The following LDLRAP1 variants were observed in gnomAD, a reference collection of about 807,000 sequenced individuals.
LDLRAP1 encodes low density lipoprotein receptor adaptor protein 1.
Under a neutral mutation model 37.8 loss-of-function variants are expected in LDLRAP1, and 30 were observed. The observed-to-expected ratio is 0.79, with a 90% CI of 0.59 to 1.08. LDLRAP1 has a LOEUF of 1.08. LDLRAP1 is among the 50% of genes least tolerant of loss of function. LDLRAP1 has a pLI of 0.00. For missense variants in LDLRAP1, 375 were observed against 401.6 expected, an observed-to-expected ratio of 0.93 and a Z score of 0.57; for synonymous variants, 156 against 169.8, an observed-to-expected ratio of 0.92 and a Z score of 0.63.
chr1:25,576,047 G>GGT, the LDLRAP1 span, among the ~76,000 whole-genome samples: 1 of 151,452 alleles, frequency 6.6e-6, no homozygotes, highest in Admixed American at 6.6e-5. Context: ...TGGCCAACAT[G>GGT]GTGAAACCCC....
chr1:25,565,153 C>T lies in LDLRAP1; in HGVS notation c.748-20C>T. 1 of 1,614,002 alleles carries T rather than the reference C, an allele frequency of 6.2e-7. No individual in the cohort carries two copies. The highest frequency in any genetic ancestry group is 8.5e-7 in the Non-Finnish European group (1 of 1,179,860). On this transcript the variant is annotated intron_variant, in intron 7 of 8. Coordinates refer to ENST00000374338, the MANE Select transcript of LDLRAP1 (RefSeq NM_015627.3). Reference sequence around the variant, plus strand: ...GCTCCCCCAAACATAGTTCTTATCTCCTGCTTTGTTTTCCCCAAGGAGCTG... The same window carrying T: ...GCTCCCCCAAACATAGTTCTTATCTTCTGCTTTGTTTTCCCCAAGGAGCTG...
At position 25,555,005 on chromosome 1, in the gene LDLRAP1, TG is replaced by T; in HGVS notation, c.344+34del. The T allele has an allele frequency of 6.6e-7, 1 of 1,508,990 alleles. No individual in the cohort carries two copies. Among genetic ancestry groups the T allele is most frequent in the Non-Finnish European group, 9.2e-7 (1 of 1,085,182 alleles). 93.5% of individuals were successfully genotyped at this position (1,508,990 alleles called of 1,614,324 possible). Reference sequence around the variant, plus strand: ...CAGCATGGGGTTGGCCCATCCACTCTGCCACTTGGGGCAGTGGGTGGAGTAT... The same window carrying T: ...CAGCATGGGGTTGGCCCATCCACTCTCCACTTGGGGCAGTGGGTGGAGTAT... On this transcript the variant is annotated intron_variant, in intron 3 of 8. Transcript: ENST00000374338. This position sits in a 1 kb window ranked among gnomAD's most constrained non-coding sequence, Gnocchi z 4.7.
the LDLRAP1 span, among the ~76,000 whole-genome samples, chr1:25,582,617 T>C: frequency 7.2e-5 from 11 of 151,902 alleles, no homozygotes; most frequent in Non-Finnish European, 1.5e-4. Flanking sequence ...TTTGACTTTT[T>C]AAAGTATACA....
intron 1 of LDLRAP1, 77 bp downstream of exon 1, chr1:25,543,863 C>G: frequency 1.0e-6 from 1 of 977,984 alleles, no homozygotes; most frequent in Non-Finnish European, 1.3e-6. Context: ...GCCCGGAGTG[C>G]GGCCAAGTTG....
rs1377282680 is a variant in LDLRAP1, at chr1:25,554,114, CT to C, written c.231+52del. 6.2e-7 allele frequency: 1 copy of C among 1,607,782 alleles called. No individual in the cohort carries two copies. Reference sequence around the variant, plus strand: ...GGGGGAACCAGGGACCAAGGACCAGCTTCTTCCCAGGGTGCCCTCGTCCCAG... The same window carrying C: ...GGGGGAACCAGGGACCAAGGACCAGCTCTTCCCAGGGTGCCCTCGTCCCAG... On this transcript the variant is annotated intron_variant, in intron 2 of 8. Transcript: ENST00000374338. The surrounding 1 kb of genome is among the most constrained non-coding windows in gnomAD (Gnocchi z 5.4).
Position 25,563,684 on chromosome 1 carries a change from G to A in LDLRAP1, c.640G>A (p.Asp214Asn). The A allele has an allele frequency of 6.2e-7, 1 of 1,613,888 alleles. No individual in the cohort carries two copies. The highest frequency in any genetic ancestry group is 1.7e-4 in the Middle Eastern group (1 of 6,060). Residue 214 changes from aspartate (D) to asparagine (N), a missense_variant, in exon 7 of 9, where the codon GAC becomes AAC. Coordinates refer to ENST00000374338, the MANE Select transcript of LDLRAP1 (RefSeq NM_015627.3). The stretch of plus-strand genomic sequence containing the variant: ...AGTGGTCGCCACTGGGAACCTGCTG[G>A]ACTTAGAGGAGACAGCTAAGGCCCC... ...KSLVATGNLL[D>N]LEETAKAPLS... is the part of the protein sequence containing the mutation.
At chr1:25,587,079 C>G in the LDLRAP1 span, among the ~76,000 whole-genome samples, 1 of 152,198 alleles carries the variant, frequency 6.6e-6, no homozygotes, top group South Asian at 2.1e-4. Flanking sequence ...ACTCTAAACT[C>G]TAATCCTGGC....
intron 1 of LDLRAP1, among the ~76,000 whole-genome samples, chr1:25,549,035 C>A (rs1184227609): frequency 6.6e-6 from 1 of 152,224 alleles, no homozygotes; most frequent in Admixed American, 6.5e-5. Context: ...GCATATTTTT[C>A]TCTTACTGTG....
rs927994472 is a variant in LDLRAP1, at chr1:25,562,674, G to T, written c.490G>T (p.Ala164Ser). Residue 164 changes from alanine (A) to serine (S), a missense_variant, in exon 5 of 9, where the codon GCC becomes TCC. Coordinates refer to ENST00000374338, the MANE Select transcript of LDLRAP1 (RefSeq NM_015627.3). ...AQAVTLTVAQ[A>S]FKVAFEFWQV... is the part of the protein sequence containing the mutation. ...GGCTGTTACCCTCACCGTAGCCCAG[G>T]CCTTCAAAGTCGCCTTTGAGTTTTG... 5 of 1,614,196 alleles carry T rather than the reference G, an allele frequency of 3.1e-6. No homozygotes were observed. In the South Asian group the frequency reaches 5.5e-5, roughly 18 times the overall value.
At chr1:25,571,326 G>C (rs1557717500), downstream of LDLRAP1, among the ~76,000 whole-genome samples, 2 of 152,184 alleles carry the variant, frequency 1.3e-5, no homozygotes, top group Admixed American at 6.5e-5. Context: ...AACTCCACAG[G>C]GGTATGTCTC....
the LDLRAP1 span, among the ~76,000 whole-genome samples, chr1:25,578,905 C>T: frequency 6.6e-6 from 1 of 152,156 alleles, no homozygotes; most frequent in Admixed American, 6.5e-5. Context: ...GAGAGCTGTA[C>T]GTTGTCACAG....
chr1:25,581,435 G>A, the LDLRAP1 span: 1 of 152,222 alleles, frequency 6.6e-6, no homozygotes, highest in Non-Finnish European at 1.5e-5. Flanking sequence ...ATCCGGGGTG[G>A]TCTGTTTCCC....
intron 1 of LDLRAP1, among the ~76,000 whole-genome samples, chr1:25,547,744 A>G (rs1184866271): frequency 6.6e-6 from 1 of 152,044 alleles, no homozygotes; most frequent in Non-Finnish European, 1.5e-5. Context: ...TCAGCACAAC[A>G]TGGAAATGGT....
At chr1:25,574,050 C>T in the LDLRAP1 span, among the ~76,000 whole-genome samples, 11 of 152,216 alleles carry the variant, frequency 7.2e-5, no homozygotes, top group African/African-American at 2.7e-4. Context: ...TGGCCGGCAG[C>T]GCTGCTGCAC....
chr1:25,557,623 A>G (rs1035215464), intron 4 of LDLRAP1, among the ~76,000 whole-genome samples: 1 of 152,126 alleles, frequency 6.6e-6, no homozygotes, highest in Non-Finnish European at 1.5e-5. Context: ...GTCCTCGGAA[A>G]TGGGAGATCA....
At chr1:25,573,319 T>G (rs894522529), downstream of LDLRAP1, among the ~76,000 whole-genome samples, 1 of 152,188 alleles carries the variant, frequency 6.6e-6, no homozygotes, top group African/African-American at 2.4e-5. Flanking sequence ...TCTAGCTGTT[T>G]CCAGTAGGAA....
rs767729272 is a variant in LDLRAP1, at chr1:25,555,058, T to A, written c.344+86T>A. 1 of 964,922 alleles carries A rather than the reference T, an allele frequency of 1.0e-6. No homozygotes were observed. The highest frequency in any genetic ancestry group is 1.7e-6 in the Non-Finnish European group (1 of 601,958). The allele number at this position is 964,922 out of a possible 1,614,324, so 59.8% of individuals were successfully genotyped here. On this transcript the variant is annotated intron_variant, in intron 3 of 8. Coordinates refer to ENST00000374338, the MANE Select transcript of LDLRAP1 (RefSeq NM_015627.3). This position sits in a 1 kb window ranked among gnomAD's most constrained non-coding sequence, Gnocchi z 4.7. ...CCATCTGAATCCAGGCTCTACCACT[T>A]CCTACCTGGGTGACATTGGAGCCTC...
In LDLRAP1 at chr1:25,555,021, G is replaced by A. The variant is rs2044167600; in HGVS notation, c.344+49G>A. 1 of 1,344,086 alleles carries A rather than the reference G, an allele frequency of 7.4e-7. No homozygotes were observed. Among genetic ancestry groups the A allele is most frequent in the East Asian group, 2.3e-5 (1 of 43,546 alleles). The allele number at this position is 1,344,086 out of a possible 1,614,324, so 83.3% of individuals were successfully genotyped here. ...CATCCACTCTGCCACTTGGGGCAGT[G>A]GGTGGAGTATCCCATCTGAATCCAG... On this transcript the variant is annotated intron_variant, in intron 3 of 8. Transcript: ENST00000374338. This position sits in a 1 kb window ranked among gnomAD's most constrained non-coding sequence, Gnocchi z 4.7.
At chr1:25,579,888 A>G in the LDLRAP1 span, among the ~76,000 whole-genome samples, 1 of 152,276 alleles carries the variant, frequency 6.6e-6, no homozygotes, top group African/African-American at 2.4e-5. Context: ...ACTAGACCAG[A>G]TCATCATTTC....
Sources: allele counts gnomAD v4.1 joint callset (sites outside exome capture counted in the v4.1 genomes callset), GRCh38; gene constraint gnomAD v4.1.1; non-coding constraint Gnocchi (gnomAD v3.1); transcripts MANE v1.5; gene names NCBI Gene and HGNC (gene_info 2026-07-23, HGNC 2026-07-21).